The following MYO7B variants were observed in gnomAD, a reference collection of about 807,000 sequenced individuals.
MYO7B encodes the protein myosin VIIB.
MYO7B carries 212 observed loss-of-function variants against 259.7 expected under a neutral mutation model. The observed-to-expected ratio is 0.82, with a 90% confidence interval of 0.73 to 0.91. MYO7B has a LOEUF of 0.91. Ranked by LOEUF, MYO7B falls within the 40% of genes least tolerant of loss-of-function variation. The pLI is 0.00. For missense variants in MYO7B, 2,732 were observed against 2,813.5 expected, an observed-to-expected ratio of 0.97 and a Z score of 0.66; for synonymous variants, 1,197 against 1,166.4, an observed-to-expected ratio of 1.03 and a Z score of -0.54.
rs776131354 is a variant in MYO7B at position 127,584,763 on chromosome 2, T to A, written c.1555-15T>A. Reference sequence around the variant, plus strand: ...CTCTGGGACCTCAGCCCACAGGGTGTCTGGGTTCTTCCAGGGGACAGATCT... The same window carrying A: ...CTCTGGGACCTCAGCCCACAGGGTGACTGGGTTCTTCCAGGGGACAGATCT... On this transcript the variant is annotated splice_polypyrimidine_tract_variant and intron_variant, in intron 13 of 47. Coordinates refer to ENST00000409816, the MANE Select transcript of MYO7B (RefSeq NM_001393586.1). This position sits in a 1 kb window ranked among gnomAD's most constrained non-coding sequence, Gnocchi z 5.8. The A allele has an allele frequency of 9.9e-6, 16 of 1,613,472 alleles. No homozygotes were observed. The highest frequency in any genetic ancestry group is 1.4e-5 in the Non-Finnish European group (16 of 1,179,600).
In MYO7B at chr2:127,627,168, C is replaced by A. The variant is rs559761308; in HGVS notation, c.4334-16C>A. 1.2e-5 allele frequency: 19 copies of A among 1,604,932 alleles called. No homozygotes were observed. The African/African-American group carries it at 2.5e-4, about 21-fold the overall frequency. ...GGGTCCCATGCAGCCTTCACACTGC[C>A]GTCTCTCCTGGCCAGGCCCCCGCCT... is the stretch of plus-strand genomic sequence containing the variant. On this transcript the variant is annotated splice_polypyrimidine_tract_variant and intron_variant, in intron 32 of 47. Coordinates refer to ENST00000409816, the MANE Select transcript of MYO7B (RefSeq NM_001393586.1). This position sits in a 1 kb window ranked among gnomAD's most constrained non-coding sequence, Gnocchi z 5.6.
intron 34 of MYO7B, 63 bp from the exon 35 acceptor site, chr2:127,629,582 A>G: frequency 6.6e-7 from 1 of 1,508,056 alleles, no homozygotes; most frequent in Admixed American, 2.1e-5. Flanking sequence ...ATGACCCACA[A>G]AATTCCAGCA....
chr2:127,608,785 C>T lies in MYO7B; in HGVS notation c.2721C>T (p.Asp907=), dbSNP rs1558832566. The T allele has an allele frequency of 6.2e-7, 1 of 1,613,414 alleles. No homozygotes were observed. Among genetic ancestry groups the T allele is most frequent in the Non-Finnish European group, 8.5e-7 (1 of 1,179,812 alleles). The part of the protein sequence containing the change: ...LPAKKRRSIY[D]TVTDTEMVEK... Reference sequence around the variant, plus strand: ...CCAAGAAGCGCAGATCCATCTACGACACCGTCACTGACACGGAGATGGTGG... The same window carrying T: ...CCAAGAAGCGCAGATCCATCTACGATACCGTCACTGACACGGAGATGGTGG... Residue 907 remains aspartate, a synonymous_variant, in exon 22 of 48, where the codon GAC becomes GAT. Transcript: ENST00000409816.
At position 127,625,446 on chromosome 2, in the gene MYO7B, G is replaced by A; in HGVS notation, c.4126G>A (p.Glu1376Lys). The A allele has an allele frequency of 6.2e-7, 1 of 1,611,700 alleles. No individual in the cohort carries two copies. The highest frequency in any genetic ancestry group is 8.5e-7 in the Non-Finnish European group (1 of 1,179,426). The stretch of plus-strand genomic sequence containing the variant: ...CTCAGCAGAGAGCAAGGCTGTCCAG[G>A]AGCTGCTGCCCAGCTGCATCCCCCA... ...GASAESKAVQ[E>K]LLPSCIPHKL... The change falls in exon 31 of 48, where the codon GAG becomes AAG. Residue 1376 changes from glutamate (E) to lysine (K), a missense_variant. Transcript: ENST00000409816.
Position 127,622,038 on chromosome 2 carries a change from G to A in MYO7B, c.3582G>A (p.Glu1194=), listed in dbSNP as rs1680862258. The A allele has an allele frequency of 3.2e-6, 5 of 1,551,764 alleles. No individual in the cohort carries two copies. The highest frequency in any genetic ancestry group is 2.7e-5 in the African/African-American group (2 of 73,172). ...GPATYGPFCA[E]RLRRTYANGV... ...CGACCTACGGCCCCTTCTGTGCCGA[G>A]CGCCTGAGACGCACCTATGCCAATG... Residue 1194 remains glutamate (E), a synonymous_variant, in exon 28 of 48, where the codon GAG becomes GAA. Transcript: ENST00000409816.
rs1190836740 is a variant in MYO7B, at chr2:127,559,431, A to G, written c.-23-269A>G. Among the ~76,000 whole-genome samples the G allele has an allele frequency of 6.6e-6, 1 of 152,214 alleles. No individual in the cohort carries two copies. The highest frequency in any genetic ancestry group is 1.5e-5 in the Non-Finnish European group (1 of 68,040). ...GTTAAAATTGGGGCTTCTGGATGAC[A>G]GGGAACCACCTACTCCCTGTATCAA... On this transcript the variant is annotated intron_variant, in intron 1 of 47. Transcript: ENST00000409816. This position sits in a 1 kb window ranked among gnomAD's most constrained non-coding sequence, Gnocchi z 4.1.
Position 127,633,419 on chromosome 2 carries a change from C to T in MYO7B, c.5511+56C>T, listed in dbSNP as rs992541827. 3.8e-5 allele frequency: 59 copies of T among 1,539,130 alleles called. No homozygotes were observed. The African/African-American group carries it at 6.8e-4, about 18-fold the overall frequency. On this transcript the variant is annotated intron_variant, in intron 40 of 47. Transcript: ENST00000409816. ...TCTCAGGCCTCCAGAGGCCATGGGG[C>T]ATCCTCCTTCCTGGCCCAGCCTGCT...
At position 127,590,059 on chromosome 2, in the gene MYO7B, A is replaced by G. The variant is rs1341605945; in HGVS notation, c.1855-33A>G. 1.9e-6 allele frequency: 3 copies of G among 1,554,448 alleles called. No homozygotes were observed. Among genetic ancestry groups the G allele is most frequent in the Admixed American group, 3.9e-5 (2 of 51,522 alleles). ...CAGCTGTCCCAGGACATGGCTCCTG[A>G]GACCCACTTGTGCTCTGTGCTTCCA... On this transcript the variant is annotated intron_variant, in intron 15 of 47. Transcript: ENST00000409816. The surrounding 1 kb of genome is among the most constrained non-coding windows in gnomAD (Gnocchi z 4.6).
rs1189972935 is a variant in MYO7B at position 127,627,540 on chromosome 2, A to T, written c.4460+230A>T. ...TTGGGGCATCACGCGTTGCACTGGC[A>T]GCTTCTCTTTGAAACCCAGGTCCAC... On this transcript the variant is annotated intron_variant, in intron 33 of 47. Transcript: ENST00000409816. This position sits in a 1 kb window ranked among gnomAD's most constrained non-coding sequence, Gnocchi z 5.6. The T allele has an allele frequency of 1.5e-6, 1 of 679,280 alleles. No individual in the cohort carries two copies. The highest frequency in any genetic ancestry group is 2.6e-6 in the Non-Finnish European group (1 of 380,240). The allele number at this position is 679,280 out of a possible 1,614,324, so 42.1% of individuals were successfully genotyped here.
Position 127,596,457 on chromosome 2 carries a change from TC to T in MYO7B, c.2245-3del, listed in dbSNP as rs1558824423. On this transcript the variant is annotated splice_polypyrimidine_tract_variant and splice_region_variant and intron_variant, in intron 18 of 47. Coordinates refer to ENST00000409816, the MANE Select transcript of MYO7B (RefSeq NM_001393586.1). ...AGCCCAGTGACGGCGTCTCTCCTGTTCCAGGATCATCAGGACACTCTGCTGG... is the reference window on the plus strand; with the variant it reads ...AGCCCAGTGACGGCGTCTCTCCTGTTCAGGATCATCAGGACACTCTGCTGG... 1 of 1,611,546 alleles carries T rather than the reference TC, an allele frequency of 6.2e-7. No individual in the cohort carries two copies. The highest frequency in any genetic ancestry group is 1.7e-5 in the Admixed American group (1 of 59,858).
Position 127,627,050 on chromosome 2 carries a change from C to T in MYO7B, c.4291C>T (p.Pro1431Ser). 1.2e-6 allele frequency: 2 copies of T among 1,612,208 alleles called. No individual in the cohort carries two copies. The highest frequency in any genetic ancestry group is 4.5e-5 in the East Asian group (2 of 44,834). The change falls in exon 32 of 48, where the codon CCG becomes TCG. Residue 1431 changes from proline (P) to serine (S), a missense_variant. Around this residue, in one of 3 missense-constraint regions of MYO7B, gnomAD observed 1,906 missense variants for 2,026.4 expected, o/e 0.94. Coordinates refer to ENST00000409816, the MANE Select transcript of MYO7B (RefSeq NM_001393586.1). This position sits in a 1 kb window ranked among gnomAD's most constrained non-coding sequence, Gnocchi z 5.6. ...GGTGGACGCCGCCCGCCTGCAGTGG[C>T]CGCTGCTCTTCTCCCGGCTCTTCGA... ...QVVDAARLQWPLLFSRLFEVI... is the reference protein window; with the variant it reads ...QVVDAARLQWSLLFSRLFEVI...
At chr2:127,580,395 T>C (rs888075908) in intron 9 of MYO7B, among the ~76,000 whole-genome samples, 1 of 152,260 alleles carries the variant, frequency 6.6e-6, no homozygotes, top group Non-Finnish European at 1.5e-5. Flanking sequence ...CAGCATGGAC[T>C]GAGGGGCCTG....
chr2:127,569,545 C>T (rs1000432307), intron 5 of MYO7B, among the ~76,000 whole-genome samples: 7 of 152,108 alleles, frequency 4.6e-5, no homozygotes, highest in East Asian at 1.9e-4. Flanking sequence ...GAATCAGATC[C>T]GAGTGTGCCA....
chr2:127,562,649 G>A (rs537027049), intron 2 of MYO7B, among the ~76,000 whole-genome samples: 18 of 151,860 alleles, frequency 1.2e-4, no homozygotes, highest in African/African-American at 2.2e-4. Context: ...CACCACACCC[G>A]GCTAATTTTT....
At chr2:127,600,360 T>C (rs541803669) in intron 19 of MYO7B, among the ~76,000 whole-genome samples, 2 of 152,346 alleles carry the variant, frequency 1.3e-5, no homozygotes, top group Non-Finnish European at 1.5e-5. Context: ...ATTCCTGATA[T>C]TGGAAATTTA....
intron 12 of MYO7B, among the ~76,000 whole-genome samples, chr2:127,583,566 A>G (rs1027847977): frequency 2.0e-5 from 3 of 152,126 alleles, no homozygotes; most frequent in Non-Finnish European, 4.4e-5. Flanking sequence ...AGGGACAGAG[A>G]CAGAAACTCC....
intron 26 of MYO7B, among the ~76,000 whole-genome samples, chr2:127,617,487 G>GTTTTTTTTTTTTTTT (rs35542480): frequency 1.2e-5 from 1 of 84,828 alleles, no homozygotes; most frequent in African/African-American, 5.2e-5. Flanking sequence ...TTGTAACGGG[G>GTTTTTTTTTTTTTTT]TTTTTTTTTT....
intron 1 of MYO7B, among the ~76,000 whole-genome samples, chr2:127,545,153 A>G (rs188931723): frequency 3.0e-4 from 45 of 152,350 alleles, no homozygotes; most frequent in Middle Eastern, 6.8e-3. Flanking sequence ...TGCTATTACC[A>G]TCAATGCCTG....
At chr2:127,565,463 G>A (rs946396865) in intron 4 of MYO7B, 78 bp downstream of exon 4, 2 of 1,552,400 alleles carry the variant, frequency 1.3e-6, no homozygotes, top group Non-Finnish European at 1.8e-6. Context: ...AGAAAATGAT[G>A]CACAGGGGGC....
Sources: gnomAD v4.1 joint callset for allele counts (sites outside exome capture counted in the v4.1 genomes callset) on GRCh38, gnomAD v4.1.1 for gene constraint, gnomAD v4.1.1 regional missense constraint, Gnocchi (gnomAD v3.1) non-coding constraint, MANE v1.5 for transcripts, NCBI Gene and HGNC (gene_info 2026-07-23, HGNC 2026-07-21) for gene names.